Variants in OIP5 observed in about 807,000 individuals in gnomAD.
OIP5 encodes protein Mis18-beta.
OIP5 carries 24 observed loss-of-function variants against 20.3 expected under a neutral mutation model. The ratio of observed to expected loss-of-function variants is 1.18; its 90% CI spans 0.86 to 1.66. OIP5 has a LOEUF of 1.66. Among genes scored for constraint, OIP5 ranks in the 40% most tolerant of loss-of-function variants. The pLI is 0.00. For synonymous variants in OIP5, 143 were observed against 121.3 expected (o/e 1.18, Z -1.17); for missense variants, 339 against 289.5 (o/e 1.17, Z -1.24).
intron 3 of OIP5, among the ~76,000 whole-genome samples, chr15:41,317,091 G>T (rs1481836283): frequency 6.6e-6 from 1 of 152,040 alleles, no homozygotes; most frequent in African/African-American, 2.4e-5. Flanking sequence ...TAATGAAATA[G>T]CCAATGTAAT....
At position 41,315,871 on chromosome 15, in the gene OIP5, G is replaced by A. The variant is rs571359692; in HGVS notation, c.513-2517C>T. ...GCTTAAGAATCTAGAAATTGGTGGC[G>A]CAGTGGCTCACACCTGTAATCCCAG... is the stretch of plus-strand genomic sequence containing the variant. On this transcript the variant is annotated intron_variant, in intron 3 of 4. Coordinates refer to ENST00000220514, the MANE Select transcript of OIP5 (RefSeq NM_007280.2). Among the ~76,000 whole-genome samples, 22 of 152,170 alleles carry A rather than the reference G, an allele frequency of 1.4e-4. No individual in the cohort carries two copies. In the East Asian group the frequency reaches 1.7e-3, roughly 12 times the overall value.
At chr15:41,310,734 A>C (rs1372757142) in intron 4 of OIP5, among the ~76,000 whole-genome samples, 2 of 152,112 alleles carry the variant, frequency 1.3e-5, no homozygotes, top group Admixed American at 1.3e-4. Context: ...GTCTGGTCAC[A>C]GTGCTTTGTG....
At chr15:41,320,994 G>A (rs2047820326) in intron 2 of OIP5, among the ~76,000 whole-genome samples, 2 of 148,708 alleles carry the variant, frequency 1.3e-5, no homozygotes, top group African/African-American at 4.9e-5. Flanking sequence ...GGGAGGTGAG[G>A]AGCGTCTCTG....
chr15:41,327,423 C>T (rs1454948892), intron 2 of OIP5, among the ~76,000 whole-genome samples: 2 of 151,894 alleles, frequency 1.3e-5, no homozygotes, highest in South Asian at 2.1e-4. Flanking sequence ...GTGATCCTCC[C>T]GCCTCGGCCT....
At chr15:41,317,752 C>T (rs957432533) in intron 3 of OIP5, among the ~76,000 whole-genome samples, 3 of 152,162 alleles carry the variant, frequency 2.0e-5, no homozygotes, top group Admixed American at 2.0e-4. Context: ...AATCATAGCT[C>T]ACTGTAACCT....
chr15:41,332,185 G>A (rs1245572812), intron 1 of OIP5, 55 bp downstream of exon 1: 1 of 1,509,032 alleles, frequency 6.6e-7, no homozygotes. Context: ...TGGAGAAAGC[G>A]GGAACACCCT....
intron 2 of OIP5, among the ~76,000 whole-genome samples, chr15:41,321,702 T>G (rs1216239808): frequency 6.6e-6 from 1 of 151,792 alleles, no homozygotes; most frequent in Non-Finnish European, 1.5e-5. Flanking sequence ...AGATGTGCTT[T>G]GTTAAACAGA....
At chr15:41,311,568 T>A (rs755792699) in intron 4 of OIP5, among the ~76,000 whole-genome samples, 16 of 151,862 alleles carry the variant, frequency 1.1e-4, no homozygotes, top group Admixed American at 2.6e-4. Flanking sequence ...CCCATACCAA[T>A]TATTATTATT....
At chr15:41,325,103 G>A (rs796341542) in intron 2 of OIP5, among the ~76,000 whole-genome samples, 2 of 152,072 alleles carry the variant, frequency 1.3e-5, no homozygotes, top group African/African-American at 4.8e-5. Context: ...ACATAATGAT[G>A]AAAAGGTTTT....
At chr15:41,316,184 GC>G (rs1325161159) in intron 3 of OIP5, among the ~76,000 whole-genome samples, 4 of 152,014 alleles carry the variant, frequency 2.6e-5, no homozygotes, top group African/African-American at 9.7e-5. Flanking sequence ...GGTGATTAAT[GC>G]CTGTAATCTT....
At chr15:41,326,722 G>A (rs542405572) in intron 2 of OIP5, among the ~76,000 whole-genome samples, 9 of 152,162 alleles carry the variant, frequency 5.9e-5, no homozygotes, top group Admixed American at 2.0e-4. Context: ...CACCGTGCCC[G>A]GCCCCATGTT....
intron 3 of OIP5, among the ~76,000 whole-genome samples, chr15:41,319,237 T>C (rs1428191709): frequency 6.6e-6 from 1 of 150,996 alleles, no homozygotes; most frequent in Non-Finnish European, 1.5e-5. Context: ...CATGCCCAGC[T>C]ACTTTTTTTT....
intron 2 of OIP5, among the ~76,000 whole-genome samples, chr15:41,329,873 G>A (rs2047886144): frequency 6.6e-6 from 1 of 150,376 alleles, no homozygotes; most frequent in Admixed American, 6.6e-5. Flanking sequence ...GCTAATTTTT[G>A]TATTTCTAGT....
In OIP5 at chr15:41,332,565, C is replaced by G; in HGVS notation, c.-4G>C. On this transcript the variant is annotated 5_prime_UTR_variant, in exon 1 of 5. Transcript: ENST00000220514. The stretch of plus-strand genomic sequence containing the variant: ...GCCGCAGCGGCTGAGCCGCCATCTT[C>G]CCGCAGCCGGCGCCTTCCTTTCGAA... 6.3e-7 allele frequency: 1 copy of G among 1,594,706 alleles called. No homozygotes were observed. The highest frequency in any genetic ancestry group is 8.5e-7 in the Non-Finnish European group (1 of 1,171,274).
At chr15:41,327,876 G>C (rs939230825) in intron 2 of OIP5, among the ~76,000 whole-genome samples, 1 of 152,160 alleles carries the variant, frequency 6.6e-6, no homozygotes, top group African/African-American at 2.4e-5. Context: ...GGGAAGCAAA[G>C]GTGGGCAGAT....
intron 2 of OIP5, 25 bp downstream of exon 2, chr15:41,331,890 G>A (rs1567030045): frequency 6.3e-7 from 1 of 1,597,476 alleles, no homozygotes; most frequent in Non-Finnish European, 8.6e-7. Context: ...AGGGACTAGA[G>A]ACCAATGTAA....
rs949835463 is a variant in OIP5, at chr15:41,330,243, G to A, written c.389+1672C>T. 2.6e-5 allele frequency among the ~76,000 whole-genome samples: 4 copies of A among 151,714 alleles called. No individual in the cohort carries two copies. The East Asian group carries it at 7.8e-4, about 30-fold the overall frequency. On this transcript the variant is annotated intron_variant, in intron 2 of 4. Transcript: ENST00000220514. ...GATTACAGCCTAGCTGGGATTACAG[G>A]CATGTGCCACCATGCCCGGCTAATT...
intron 4 of OIP5, among the ~76,000 whole-genome samples, chr15:41,310,352 C>T (rs1251247761): frequency 6.6e-6 from 1 of 152,106 alleles, no homozygotes; most frequent in Admixed American, 6.5e-5. Flanking sequence ...TGTGGCCAGG[C>T]GCAGTGGCTC....
At chr15:41,311,349 G>T (rs967315858) in intron 4 of OIP5, among the ~76,000 whole-genome samples, 2 of 152,058 alleles carry the variant, frequency 1.3e-5, no homozygotes, top group Non-Finnish European at 1.5e-5. Flanking sequence ...GGAGGAGGGG[G>T]TTGCAGTGAC....
Sources: allele counts gnomAD v4.1 joint callset (sites outside exome capture counted in the v4.1 genomes callset), GRCh38; gene constraint gnomAD v4.1.1; transcripts MANE v1.5; gene names NCBI Gene and HGNC (gene_info 2026-07-23, HGNC 2026-07-21).